CNOT4: variants seen among roughly 807,000 people sequenced by gnomAD.
The protein encoded by CNOT4 is CCR4-associated factor 4.
A neutral mutation model predicts 73.8 loss-of-function variants in CNOT4; 8 were observed. The ratio of observed to expected loss-of-function variants is 0.11; its 90% CI spans 0.06 to 0.20. The LOEUF is 0.20. Among genes scored for constraint, CNOT4 ranks in the 10% least tolerant of loss-of-function variants. The pLI, the probability that CNOT4 is intolerant of heterozygous loss-of-function variation, is 1.00. For missense variants in CNOT4, 564 were observed against 883.4 expected (o/e 0.64, Z 4.58); for synonymous variants, 293 against 321.1 (o/e 0.91, Z 0.94).
At chr7:135,396,952 T>G (rs929073921) in intron 8 of CNOT4, among the ~76,000 whole-genome samples, 2 of 152,124 alleles carry the variant, frequency 1.3e-5, no homozygotes, top group Admixed American at 1.3e-4. Context: ...ATTTTACCAT[T>G]TATTACTATT....
chr7:135,396,318 C>T (rs544956533), intron 8 of CNOT4, among the ~76,000 whole-genome samples: 7 of 151,878 alleles, frequency 4.6e-5, no homozygotes, highest in South Asian at 2.1e-4. Context: ...GGGGTTTCAC[C>T]GCATTATCCA....
rs151014095 is a variant in CNOT4, at chr7:135,389,342, A to C, written c.1627+4576T>G. On this transcript the variant is annotated intron_variant, in intron 10 of 11. Coordinates refer to ENST00000541284, the MANE Select transcript of CNOT4 (RefSeq NM_001190850.2). ...TACAAATCCATGTTTTGAAAGCATAAATTATGTACTAGAAAAAAATGAAAG... is the reference window on the plus strand; with the variant it reads ...TACAAATCCATGTTTTGAAAGCATACATTATGTACTAGAAAAAAATGAAAG... Among the ~76,000 whole-genome samples the C allele has an allele frequency of 1.4e-3, 208 of 152,064 alleles. 1 individual carries two copies. Among genetic ancestry groups the C allele is most frequent in the African/African-American group, 4.8e-3 (201 of 41,474 alleles).
rs761712590 is a variant in CNOT4 at position 135,363,097 on chromosome 7, T to A, written c.1930A>T (p.Met644Leu). The stretch of plus-strand genomic sequence containing the variant: ...GATGGAGCAGCGCTGGGGCCGTCCA[T>A]CTCTGTGAGGGCCTGAAGGGATTTT... Reference protein sequence around the residue: ...WLKSLQALTEMDGPSAAPSQT... With the variant: ...WLKSLQALTELDGPSAAPSQT... Residue 644 changes from methionine to leucine, a missense_variant, in exon 12 of 12, where the codon ATG becomes TTG. By Grantham distance (15) the Met-to-Leu change is conservative (BLOSUM62 2). This residue lies in a region of CNOT4 where 88 missense variants were observed against 94.7 expected (regional missense o/e 0.93). Transcript: ENST00000541284. The surrounding 1 kb of genome is among the most constrained non-coding windows in gnomAD (Gnocchi z 4.3). 5 of 1,613,894 alleles carry A rather than the reference T, an allele frequency of 3.1e-6. No individual in the cohort carries two copies. Among genetic ancestry groups the A allele is most frequent in the African/African-American group, 1.3e-5 (1 of 74,884 alleles).
chr7:135,433,303 G>A lies in CNOT4; in HGVS notation c.174+4855C>T, dbSNP rs538708850. 1.8e-4 allele frequency among the ~76,000 whole-genome samples: 26 copies of A among 148,520 alleles called. 1 individual carries two copies. In the South Asian group the frequency reaches 5.5e-3, roughly 32 times the overall value. On this transcript the variant is annotated intron_variant, in intron 2 of 11. Coordinates refer to ENST00000541284, the MANE Select transcript of CNOT4 (RefSeq NM_001190850.2). ...TTGCTATTATATTTTAATTTTCAAT[G>A]ACAATGGTTACTGTTCACTGAATAT...
At chr7:135,497,481 A>G (rs751758937) in intron 1 of CNOT4, among the ~76,000 whole-genome samples, 1 of 152,104 alleles carries the variant, frequency 6.6e-6, no homozygotes, top group Non-Finnish European at 1.5e-5. Context: ...TTGAGCATCT[A>G]CCATCAACCA....
rs762708921 is a variant in CNOT4 at position 135,491,992 on chromosome 7, T to C, written c.-93+17897A>G. Among the ~76,000 whole-genome samples, 3 of 152,186 alleles carry C rather than the reference T, an allele frequency of 2.0e-5. No individual in the cohort carries two copies. In the East Asian group the frequency reaches 5.8e-4, roughly 29 times the overall value. On this transcript the variant is annotated intron_variant, in intron 1 of 11. Coordinates refer to ENST00000541284, the MANE Select transcript of CNOT4 (RefSeq NM_001190850.2). ...AACACAAAGACAGCAGCAAGGTCTA[T>C]TGAGTACAGATGTAGTCAATACATA...
intron 1 of CNOT4, among the ~76,000 whole-genome samples, chr7:135,442,696 C>T (rs1390425957): frequency 1.3e-5 from 2 of 151,994 alleles, no homozygotes; most frequent in Admixed American, 6.6e-5. Flanking sequence ...ATGAAAAGGG[C>T]AAGAAAAGCC....
intron 1 of CNOT4, among the ~76,000 whole-genome samples, chr7:135,499,170 T>C (rs1307134442): frequency 6.6e-6 from 1 of 152,134 alleles, no homozygotes; most frequent in African/African-American, 2.4e-5. Context: ...AGAAAAGACA[T>C]AAATTTGTCA....
At chr7:135,506,284 T>C (rs1292423864) in intron 1 of CNOT4, among the ~76,000 whole-genome samples, 1 of 152,242 alleles carries the variant, frequency 6.6e-6, no homozygotes, top group Non-Finnish European at 1.5e-5. Context: ...GAAAATTATG[T>C]AGTACATTCT....
chr7:135,479,564 T>C (rs1327667804), intron 1 of CNOT4, among the ~76,000 whole-genome samples: 1 of 151,862 alleles, frequency 6.6e-6, no homozygotes, highest in Non-Finnish European at 1.5e-5. Flanking sequence ...GAGTTATTAT[T>C]TATAATTTGT....
At chr7:135,430,473 C>A (rs1798747181) in intron 2 of CNOT4, among the ~76,000 whole-genome samples, 1 of 151,708 alleles carries the variant, frequency 6.6e-6, no homozygotes, top group South Asian at 2.1e-4. Context: ...CCAGTCTCTG[C>A]AAAGACAAAA....
chr7:135,489,391 C>CTTTTT (rs71174525), intron 1 of CNOT4, among the ~76,000 whole-genome samples: 1,410 of 84,528 alleles, frequency 0.017, 1 homozygote, highest in Non-Finnish European at 0.022. Context: ...AGTCACATTT[C>CTTTTT]TTTTTTTTTT....
At chr7:135,488,649 A>G (rs1352011533) in intron 1 of CNOT4, among the ~76,000 whole-genome samples, 1 of 152,218 alleles carries the variant, frequency 6.6e-6, no homozygotes. Context: ...GTTAAAGCAG[A>G]CAAAAATCTC....
Position 135,491,900 on chromosome 7 carries a change from A to G in CNOT4, c.-93+17989T>C, listed in dbSNP as rs112496272. The stretch of plus-strand genomic sequence containing the variant: ...GAGTGGTTGGCATAAAAAGAACTTC[A>G]CAGTTCATTAATGCATTAATCAGAG... On this transcript the variant is annotated intron_variant, in intron 1 of 11. Coordinates refer to ENST00000541284, the MANE Select transcript of CNOT4 (RefSeq NM_001190850.2). Among the ~76,000 whole-genome samples the G allele has an allele frequency of 2.6e-5, 4 of 152,302 alleles. 1 individual carries two copies. The highest frequency in any genetic ancestry group is 9.6e-5 in the African/African-American group (4 of 41,558).
At chr7:135,433,131 A>G (rs1798944288) in intron 2 of CNOT4, among the ~76,000 whole-genome samples, 1 of 152,072 alleles carries the variant, frequency 6.6e-6, no homozygotes, top group African/African-American at 2.4e-5. Flanking sequence ...ATCTCTTCCT[A>G]GAGCACTTAA....
At chr7:135,498,850 C>T (rs979885007) in intron 1 of CNOT4, among the ~76,000 whole-genome samples, 2 of 151,952 alleles carry the variant, frequency 1.3e-5, no homozygotes, top group African/African-American at 4.8e-5. Context: ...TTTTTGGAAG[C>T]AAAATTCACA....
chr7:135,382,071 C>T (rs1795873050), intron 10 of CNOT4, among the ~76,000 whole-genome samples: 1 of 152,156 alleles, frequency 6.6e-6, no homozygotes, highest in Non-Finnish European at 1.5e-5. Flanking sequence ...AAATGGTTCT[C>T]AAGGTCAACA....
At chr7:135,465,575 T>C (rs1801167206) in intron 1 of CNOT4, among the ~76,000 whole-genome samples, 1 of 152,190 alleles carries the variant, frequency 6.6e-6, no homozygotes, top group Non-Finnish European at 1.5e-5. Flanking sequence ...AAAAGCAGCC[T>C]CAGGCGGGTC....
At chr7:135,417,584 G>A (rs1476146146) in intron 3 of CNOT4, among the ~76,000 whole-genome samples, 1 of 152,194 alleles carries the variant, frequency 6.6e-6, no homozygotes, top group Non-Finnish European at 1.5e-5. Context: ...ATAACAACAT[G>A]AGATTGGTAT....
Sources: gnomAD v4.1 joint callset for allele counts (sites outside exome capture counted in the v4.1 genomes callset) on GRCh38, gnomAD v4.1.1 for gene constraint, gnomAD v4.1.1 regional missense constraint, Gnocchi (gnomAD v3.1) non-coding constraint, MANE v1.5 for transcripts, NCBI Gene and HGNC (gene_info 2026-07-23, HGNC 2026-07-21) for gene names.